The following NUP107 variants were observed in gnomAD, a reference collection of about 807,000 sequenced individuals.
The protein encoded by NUP107 is nuclear pore complex protein Nup107.
Under a neutral mutation model 141.0 loss-of-function variants are expected in NUP107, and 101 were observed. The ratio of observed to expected loss-of-function variants is 0.72; its 90% CI spans 0.61 to 0.84. NUP107 has a LOEUF of 0.84. Among genes scored for constraint, NUP107 ranks in the 40% least tolerant of loss-of-function variants. The pLI, the probability that NUP107 is intolerant of heterozygous loss-of-function variation, is 0.00. For missense variants in NUP107, 941 were observed against 1,102.7 expected, an observed-to-expected ratio of 0.85 and a Z score of 2.08; for synonymous variants, 319 against 363.9, an observed-to-expected ratio of 0.88 and a Z score of 1.41.
At chr12:68,715,323 G>A (rs1051951414) in intron 11 of NUP107, among the ~76,000 whole-genome samples, 6 of 152,044 alleles carry the variant, frequency 3.9e-5, no homozygotes, top group Admixed American at 6.6e-5. Context: ...GTGAAACCCC[G>A]TCTCTACTAA....
chr12:68,687,178 G>C (rs1286363444), intron 1 of NUP107, 105 bp downstream of exon 1: 1 of 1,508,934 alleles, frequency 6.6e-7, no homozygotes, highest in Admixed American at 1.7e-5. Context: ...AGGAGGTCCC[G>C]GGTGCTTCCC....
chr12:68,721,278 C>T (rs1054431755), intron 15 of NUP107, 101 bp downstream of exon 15: 1 of 727,676 alleles, frequency 1.4e-6, no homozygotes. Context: ...AGTTTGTATA[C>T]TTAAGTATAT....
chr12:68,699,873 G>A (rs1382117494), intron 6 of NUP107, among the ~76,000 whole-genome samples: 2 of 151,914 alleles, frequency 1.3e-5, no homozygotes, highest in Non-Finnish European at 2.9e-5. Flanking sequence ...ATTTTTACAT[G>A]TGCCTCAGTC....
At chr12:68,734,983 G>T in intron 25 of NUP107, 150 bp downstream of exon 25, 1 of 985,396 alleles carries the variant, frequency 1.0e-6, no homozygotes, top group Non-Finnish European at 1.5e-6. Context: ...AATCTGTTTA[G>T]TTACTTTTCT....
intron 12 of NUP107, among the ~76,000 whole-genome samples, chr12:68,716,878 G>A (rs141799243): frequency 2.9e-4 from 44 of 152,112 alleles, no homozygotes; most frequent in Middle Eastern, 6.8e-3. Context: ...TCAACCATAA[G>A]CATATATTAA....
At position 68,733,646 on chromosome 12, in the gene NUP107, C is replaced by A. The variant is rs770625132; in HGVS notation, c.2262+34C>A. 2.6e-6 allele frequency: 4 copies of A among 1,568,270 alleles called. No homozygotes were observed. In the Admixed American group the frequency reaches 7.9e-5, roughly 31 times the overall value. On this transcript the variant is annotated intron_variant, in intron 24 of 27. Coordinates refer to ENST00000229179, the MANE Select transcript of NUP107 (RefSeq NM_020401.4). Reference sequence around the variant, plus strand: ...GTAAAGAAAGCCACAGATGTGCCTACTTCATGATGATTTTTCGGATTCACT... The same window carrying A: ...GTAAAGAAAGCCACAGATGTGCCTAATTCATGATGATTTTTCGGATTCACT...
At chr12:68,698,013 G>A (rs1876151581) in intron 6 of NUP107, among the ~76,000 whole-genome samples, 1 of 150,118 alleles carries the variant, frequency 6.7e-6, no homozygotes, top group African/African-American at 2.5e-5. Flanking sequence ...GGGCGATAGA[G>A]TGAGACTCCA....
intron 6 of NUP107, 27 bp downstream of exon 6, chr12:68,696,949 T>A (rs1431025697): frequency 9.5e-6 from 13 of 1,361,536 alleles, no homozygotes; most frequent in Non-Finnish European, 1.2e-5. Context: ...CCGTCGTTAG[T>A]CAAACTTCAG....
At position 68,744,271 on chromosome 12, in the gene NUP107, G is replaced by A. The variant is rs1878432826; in HGVS notation, c.*1809G>A. ...TGTCTTTTGTTGTGCCTTGTTTTTTGAATGTCCTTTAAAAAACACAGCACA... is the reference window on the plus strand; with the variant it reads ...TGTCTTTTGTTGTGCCTTGTTTTTTAAATGTCCTTTAAAAAACACAGCACA... On this transcript the variant is annotated 3_prime_UTR_variant, in exon 28 of 28. Coordinates refer to ENST00000229179, the MANE Select transcript of NUP107 (RefSeq NM_020401.4). The A allele has an allele frequency of 2.0e-5, 3 of 152,132 alleles. No individual in the cohort carries two copies. The South Asian group carries it at 6.2e-4, about 32-fold the overall frequency. The allele number at this position is 152,132 out of a possible 1,614,324, so 9.4% of individuals were successfully genotyped here. A position where few individuals can be genotyped will look rare whatever the true frequency, so the allele number is the denominator to read the frequency against.
chr12:68,689,673 C>T, intron 3 of NUP107, 54 bp downstream of exon 3: 4 of 1,070,012 alleles, frequency 3.7e-6, no homozygotes, highest in East Asian at 2.4e-5. Flanking sequence ...ATAATAGCAA[C>T]TAACATTTAT....
At chr12:68,731,009 C>A in intron 20 of NUP107, 101 bp from the exon 21 acceptor site, 1 of 682,306 alleles carries the variant, frequency 1.5e-6, no homozygotes, top group Non-Finnish European at 2.3e-6. Context: ...TTTAGCAACA[C>A]AAATCCACAT....
intron 17 of NUP107, among the ~76,000 whole-genome samples, chr12:68,725,012 A>G (rs1259483875): frequency 1.3e-5 from 2 of 152,188 alleles, no homozygotes; most frequent in African/African-American, 4.8e-5. Flanking sequence ...GGGATGGTTT[A>G]TTTAAATAAA....
At chr12:68,705,275 C>A in intron 8 of NUP107, among the ~76,000 whole-genome samples, 1 of 152,018 alleles carries the variant, frequency 6.6e-6, no homozygotes, top group Admixed American at 6.6e-5. Context: ...TCTGGTTTTC[C>A]AGGCAATTCT....
chr12:68,691,923 A>C, intron 4 of NUP107, 45 bp from the exon 5 acceptor site: 1 of 1,500,480 alleles, frequency 6.7e-7, no homozygotes, highest in Non-Finnish European at 9.0e-7. Context: ...AGTGACAATA[A>C]CTCCATCACT....
At chr12:68,732,817 C>A in intron 23 of NUP107, 78 bp downstream of exon 23, 1 of 929,644 alleles carries the variant, frequency 1.1e-6, no homozygotes, top group Non-Finnish European at 1.7e-6. Flanking sequence ...GTAGCTGGGA[C>A]TACAGGCACC....
rs756512028 is a variant in NUP107 at position 68,691,955 on chromosome 12, GT to G, written c.304-4del. The G allele has an allele frequency of 3.3e-5, 49 of 1,501,366 alleles. No individual in the cohort carries two copies. The highest frequency in any genetic ancestry group is 1.3e-4 in the Admixed American group (6 of 46,810). 93.0% of individuals were successfully genotyped at this position (1,501,366 alleles called of 1,614,324 possible). A position where few individuals can be genotyped will look rare whatever the true frequency, so the allele number is the denominator to read the frequency against. ...CACTTTTCTGTATTTTTACTTTTTT[GT>G]TTTTTTTTAAGGTTACTAATCTGGA... On this transcript the variant is annotated splice_polypyrimidine_tract_variant and intron_variant, in intron 4 of 27. Coordinates refer to ENST00000229179, the MANE Select transcript of NUP107 (RefSeq NM_020401.4).
intron 26 of NUP107, among the ~76,000 whole-genome samples, chr12:68,736,542 C>T (rs1324610705): frequency 6.6e-6 from 1 of 151,690 alleles, no homozygotes; most frequent in East Asian, 1.9e-4. Context: ...TCAGCCTCCC[C>T]AGTAGCTAGG....
intron 25 of NUP107, 92 bp from the exon 26 acceptor site, chr12:68,735,139 A>G (rs1878013384): frequency 1.1e-6 from 1 of 870,940 alleles, no homozygotes. Flanking sequence ...CTTTAGAATG[A>G]TGTTCTATAT....
chr12:68,731,847 A>G, intron 22 of NUP107, 128 bp downstream of exon 22: 1 of 522,082 alleles, frequency 1.9e-6, no homozygotes, highest in South Asian at 3.4e-5. Context: ...TGTCTTTGTC[A>G]GCCCAGACCT....
Sources: allele counts gnomAD v4.1 joint callset (sites outside exome capture counted in the v4.1 genomes callset), GRCh38; gene constraint gnomAD v4.1.1; transcripts MANE v1.5; gene names NCBI Gene and HGNC (gene_info 2026-07-23, HGNC 2026-07-21).